The following ABLIM1 variants were observed in gnomAD, a reference collection of about 807,000 sequenced individuals.
The protein encoded by ABLIM1 is actin-binding LIM protein 1.
In ABLIM1, 40 loss-of-function variants were observed where a neutral mutation model predicts 107.0. That is an observed-to-expected ratio of 0.37 (90% CI 0.29 to 0.49). ABLIM1 has a LOEUF of 0.49. Among genes scored for constraint, ABLIM1 ranks in the 20% least tolerant of loss-of-function variants. ABLIM1 has a pLI of 0.97. For missense variants in ABLIM1, 857 were observed against 1,008.5 expected (o/e 0.85, Z 2.04); for synonymous variants, 357 against 357.3 (o/e 1.00, Z 0.01).
chr10:114,788,091 C>T, the ABLIM1 span, among the ~76,000 whole-genome samples: 16 of 151,320 alleles, frequency 1.1e-4, no homozygotes, highest in African/African-American at 3.6e-4. Context: ...GGATTAAGGG[C>T]GGTGCAAGAT....
At chr10:114,578,813 T>A (rs2072988113) in intron 2 of ABLIM1, among the ~76,000 whole-genome samples, 1 of 142,620 alleles carries the variant, frequency 7.0e-6, no homozygotes, top group Non-Finnish European at 1.5e-5. Context: ...GAGATGGAGT[T>A]TCACTCTTTG....
At chr10:114,574,522 C>G (rs189454484) in intron 3 of ABLIM1, among the ~76,000 whole-genome samples, 1 of 152,024 alleles carries the variant, frequency 6.6e-6, no homozygotes, top group Non-Finnish European at 1.5e-5. Context: ...TCACTGCAAC[C>G]TCCGCCTCCC....
intron 1 of ABLIM1, among the ~76,000 whole-genome samples, chr10:114,712,391 A>C (rs985990498): frequency 1.3e-5 from 2 of 149,028 alleles, no homozygotes; most frequent in Non-Finnish European, 3.0e-5. Flanking sequence ...CATGAATGCT[A>C]TAATTAAAAG....
the ABLIM1 span, among the ~76,000 whole-genome samples, chr10:114,774,815 C>A: frequency 6.6e-6 from 1 of 151,992 alleles, no homozygotes; most frequent in African/African-American, 2.4e-5. Context: ...GAAATCAGTA[C>A]AAGGGAACCA....
Position 114,451,656 on chromosome 10 carries a change from A to C in ABLIM1, c.1562T>G (p.Ile521Ser), listed in dbSNP as rs773922784. 1 of 1,613,332 alleles carries C rather than the reference A, an allele frequency of 6.2e-7. No individual in the cohort carries two copies. Among genetic ancestry groups the C allele is most frequent in the Non-Finnish European group, 8.5e-7 (1 of 1,179,604 alleles). Residue 521 changes from isoleucine (I) to serine (S), a missense_variant, in exon 14 of 23, where the codon ATT (isoleucine) becomes AGT (serine). Physicochemically the swap from Ile to Ser is moderately radical, Grantham distance 142. This residue lies in a region of ABLIM1 where 381 missense variants were observed against 506.9 expected (regional missense o/e 0.75). Transcript: ENST00000533213. The part of the protein sequence containing the change: ...HFHVPDQGIN[I>S]YRKPPIYKQH... ...TTTGTAGATGGGTGGCTTTCGGTAAATGTTGATTCCTTGATCTGTGGAAAT... is the reference window on the plus strand; with the variant it reads ...TTTGTAGATGGGTGGCTTTCGGTAACTGTTGATTCCTTGATCTGTGGAAAT...
intron 6 of ABLIM1, among the ~76,000 whole-genome samples, chr10:114,534,215 G>A (rs1365592212): frequency 2.0e-5 from 3 of 152,176 alleles, no homozygotes; most frequent in African/African-American, 7.2e-5. Context: ...ACAGCAGGAA[G>A]GGGAAGGGTG....
intron 1 of ABLIM1, among the ~76,000 whole-genome samples, chr10:114,716,719 A>C (rs2081674535): frequency 6.6e-6 from 1 of 152,152 alleles, no homozygotes. Flanking sequence ...AACTCCAAGA[A>C]CAAACAACAC....
At chr10:114,442,066 C>G (rs911982594) in intron 17 of ABLIM1, among the ~76,000 whole-genome samples, 4 of 152,142 alleles carry the variant, frequency 2.6e-5, no homozygotes, top group African/African-American at 9.7e-5. Context: ...GTTCAGCATG[C>G]TTTATTTCTT....
At chr10:114,483,493 T>C (rs1320938960) in intron 8 of ABLIM1, among the ~76,000 whole-genome samples, 1 of 152,080 alleles carries the variant, frequency 6.6e-6, no homozygotes, top group African/African-American at 2.4e-5. Context: ...CCCAGGCTGG[T>C]CTCAAACTCC....
intron 1 of ABLIM1, among the ~76,000 whole-genome samples, chr10:114,750,464 A>G (rs2082486732): frequency 6.6e-6 from 1 of 152,268 alleles, no homozygotes. Context: ...CAGCTTAGGA[A>G]AGTAAAAAGG....
chr10:114,689,595 C>CA (rs1270172942), upstream of ABLIM1, among the ~76,000 whole-genome samples: 1 of 152,062 alleles, frequency 6.6e-6, no homozygotes, highest in Non-Finnish European at 1.5e-5. Context: ...CTCCTGGTCT[C>CA]AAGTGATCCA....
At chr10:114,576,185 G>C (rs558404050) in intron 2 of ABLIM1, among the ~76,000 whole-genome samples, 3 of 152,296 alleles carry the variant, frequency 2.0e-5, no homozygotes, top group African/African-American at 7.2e-5. Context: ...AAAGAGGAAA[G>C]ACCTGTTATT....
chr10:114,456,710 T>C (rs1411772303), intron 12 of ABLIM1, among the ~76,000 whole-genome samples: 1 of 152,208 alleles, frequency 6.6e-6, no homozygotes, highest in Non-Finnish European at 1.5e-5. Flanking sequence ...AATTAGACAT[T>C]TGTCCAGGGA....
intron 3 of ABLIM1, among the ~76,000 whole-genome samples, chr10:114,573,368 A>G (rs1363947872): frequency 6.6e-6 from 1 of 152,252 alleles, no homozygotes; most frequent in East Asian, 1.9e-4. Flanking sequence ...TCAACTAAAA[A>G]GGAGGCCCCA....
intron 1 of ABLIM1, among the ~76,000 whole-genome samples, chr10:114,751,685 G>A (rs533575999): frequency 6.6e-6 from 1 of 150,866 alleles, no homozygotes; most frequent in African/African-American, 2.4e-5. Flanking sequence ...AGGAAGTGGA[G>A]GTTGCAGTGA....
chr10:114,451,641 G>C lies in ABLIM1; in HGVS notation c.1577C>G (p.Pro526Arg). ...DQGINIYRKP[P>R]IYKQHAALAA... ...GGTTTTACCATGCTGTTTGTAGATG[G>C]GTGGCTTTCGGTAAATGTTGATTCC... The change falls in exon 14 of 23, where the codon CCC becomes CGC. Residue 526 changes from proline to arginine, a missense_variant. Pro to Arg is a moderately radical substitution (Grantham distance 103, BLOSUM62 -2). Coordinates refer to ENST00000533213, the MANE Select transcript of ABLIM1 (RefSeq NM_002313.7). The C allele has an allele frequency of 6.2e-7, 1 of 1,613,338 alleles. No homozygotes were observed. The highest frequency in any genetic ancestry group is 8.5e-7 in the Non-Finnish European group (1 of 1,179,592).
chr10:114,500,056 G>A (rs2060190149), intron 6 of ABLIM1, among the ~76,000 whole-genome samples: 1 of 152,146 alleles, frequency 6.6e-6, no homozygotes, highest in Admixed American at 6.5e-5. Flanking sequence ...GTCTGCCCAG[G>A]CAGCTTTCAC....
In ABLIM1 at chr10:114,431,593, C is replaced by T. The variant is rs191881160; in HGVS notation, c.*4667G>A. 3.3e-5 allele frequency: 5 copies of T among 152,274 alleles called. No homozygotes were observed. Among genetic ancestry groups the T allele is most frequent in the Admixed American group, 6.5e-5 (1 of 15,298 alleles). The allele number at this position is 152,274 out of a possible 1,614,324, so 9.4% of individuals were successfully genotyped here. A position where few individuals can be genotyped will look rare whatever the true frequency, so the allele number is the denominator to read the frequency against. On this transcript the variant is annotated 3_prime_UTR_variant, in exon 23 of 23. Transcript: ENST00000533213. ...AATGGTTTCCTCTGCTGTAAAGAAACGTATGCATATATGATCAGTAAGCAG... is the reference window on the plus strand; with the variant it reads ...AATGGTTTCCTCTGCTGTAAAGAAATGTATGCATATATGATCAGTAAGCAG...
At chr10:114,683,459 C>T (rs1375740125) in intron 1 of ABLIM1, among the ~76,000 whole-genome samples, 6 of 152,114 alleles carry the variant, frequency 3.9e-5, no homozygotes, top group Admixed American at 6.5e-5. Flanking sequence ...CTTTGTACCT[C>T]GTAACAAGTG....
Sources: gnomAD v4.1 joint callset for allele counts (sites outside exome capture counted in the v4.1 genomes callset) on GRCh38, gnomAD v4.1.1 for gene constraint, gnomAD v4.1.1 regional missense constraint, MANE v1.5 for transcripts, NCBI Gene and HGNC (gene_info 2026-07-23, HGNC 2026-07-21) for gene names.